SPPL3: variants seen among roughly 807,000 people sequenced by gnomAD.
SPPL3 encodes signal peptide peptidase like 3, also known as signal peptide peptidase-like 3.
Under a neutral mutation model 42.4 loss-of-function variants are expected in SPPL3, and 5 were observed. That is an observed-to-expected ratio of 0.12 (90% CI 0.06 to 0.25). SPPL3 has a LOEUF of 0.25. SPPL3 is among the 10% of genes least tolerant of loss of function. The pLI, the probability that SPPL3 is intolerant of heterozygous loss-of-function variation, is 1.00. For missense variants in SPPL3, 235 were observed against 489.0 expected, an observed-to-expected ratio of 0.48 and a Z score of 4.90; for synonymous variants, 195 against 181.8, an observed-to-expected ratio of 1.07 and a Z score of -0.58.
intron 1 of SPPL3, among the ~76,000 whole-genome samples, chr12:120,857,112 A>C (rs1001770825): frequency 2.0e-5 from 3 of 152,186 alleles, no homozygotes; most frequent in Non-Finnish European, 4.4e-5. Context: ...AAGAACCAGG[A>C]AGAGTAATGA....
At chr12:120,882,754 C>T (rs535877777) in intron 1 of SPPL3, among the ~76,000 whole-genome samples, 3 of 152,212 alleles carry the variant, frequency 2.0e-5, no homozygotes, top group African/African-American at 7.2e-5. Context: ...TCCACCTGGG[C>T]ACAGTGGCTT....
intron 2 of SPPL3, among the ~76,000 whole-genome samples, chr12:120,806,001 CTTTT>C (rs397710393): frequency 1.5e-5 from 2 of 132,956 alleles, no homozygotes; most frequent in East Asian, 2.2e-4. Flanking sequence ...TCCCTGCAGG[CTTTT>C]TTTTTTTTTT....
intron 2 of SPPL3, among the ~76,000 whole-genome samples, chr12:120,792,633 G>A (rs1041890545): frequency 1.4e-5 from 2 of 147,988 alleles, no homozygotes; most frequent in Admixed American, 1.4e-4. Context: ...CCAGGAGGCA[G>A]AGGTTGCAGT....
intron 1 of SPPL3, among the ~76,000 whole-genome samples, chr12:120,832,076 TCTG>T (rs765002634): frequency 3.3e-5 from 5 of 152,238 alleles, no homozygotes; most frequent in Non-Finnish European, 7.3e-5. Context: ...AGCAATTGTA[TCTG>T]CTTAGTTTTA....
intron 1 of SPPL3, among the ~76,000 whole-genome samples, chr12:120,860,661 A>C (rs894584329): frequency 6.6e-6 from 1 of 152,134 alleles, no homozygotes; most frequent in Non-Finnish European, 1.5e-5. Flanking sequence ...TGTATATTGT[A>C]TTTTATACAC....
chr12:120,819,666 C>T (rs61946361), intron 1 of SPPL3, among the ~76,000 whole-genome samples: 3 of 152,058 alleles, frequency 2.0e-5, no homozygotes, highest in Non-Finnish European at 4.4e-5. Flanking sequence ...CTCAAGATAA[C>T]CAATGGTACT....
rs968807692 is a variant in SPPL3 at position 120,813,619 on chromosome 12, G to A, written c.24-2733C>T. 1.1e-4 allele frequency among the ~76,000 whole-genome samples: 17 copies of A among 151,904 alleles called. No homozygotes were observed. The East Asian group carries it at 2.7e-3, about 24-fold the overall frequency. On this transcript the variant is annotated intron_variant, in intron 1 of 10. Coordinates refer to ENST00000353487, the MANE Select transcript of SPPL3 (RefSeq NM_139015.5). Reference sequence around the variant, plus strand: ...TACAGGCTAAGGATCCACTGCACCCGGCGTGATCCTTAATTATTACAGATA... The same window carrying A: ...TACAGGCTAAGGATCCACTGCACCCAGCGTGATCCTTAATTATTACAGATA...
At position 120,818,608 on chromosome 12, in the gene SPPL3, G is replaced by GC. The variant is rs544689127; in HGVS notation, c.24-7723dup. Among the ~76,000 whole-genome samples the GC allele has an allele frequency of 1.4e-4, 22 of 152,320 alleles. No individual in the cohort carries two copies. In the South Asian group the frequency reaches 4.6e-3, roughly 32 times the overall value. On this transcript the variant is annotated intron_variant, in intron 1 of 10. Coordinates refer to ENST00000353487, the MANE Select transcript of SPPL3 (RefSeq NM_139015.5). The stretch of plus-strand genomic sequence containing the variant: ...GTTCTATAACGTGTTCTATGTGTCA[G>GC]CCTTCCAGCTATACAATGAAAGCAT...
chr12:120,791,435 A>C (rs1034686391), intron 3 of SPPL3, 34 bp downstream of exon 3: 2 of 1,469,176 alleles, frequency 1.4e-6, no homozygotes, highest in Non-Finnish European at 1.9e-6. Context: ...AGAAAACTAT[A>C]TGTACAGAAG....
intron 1 of SPPL3, among the ~76,000 whole-genome samples, chr12:120,874,190 C>T (rs976261071): frequency 3.3e-5 from 5 of 151,870 alleles, no homozygotes; most frequent in African/African-American, 9.7e-5. Flanking sequence ...TGGTGGCTCA[C>T]GCCTGTAATC....
At chr12:120,823,235 G>A (rs71454667) in intron 1 of SPPL3, among the ~76,000 whole-genome samples, 2 of 145,630 alleles carry the variant, frequency 1.4e-5, no homozygotes, top group African/African-American at 5.1e-5. Context: ...GGGGGCGGCG[G>A]CGGTGGCGGG....
chr12:120,870,284 A>C (rs976243950), intron 1 of SPPL3, among the ~76,000 whole-genome samples: 1 of 152,046 alleles, frequency 6.6e-6, no homozygotes, highest in African/African-American at 2.4e-5. Flanking sequence ...CATCTCTACT[A>C]AAAATACAAA....
At chr12:120,877,694 TC>T (rs1302704758) in intron 1 of SPPL3, among the ~76,000 whole-genome samples, 1 of 150,422 alleles carries the variant, frequency 6.6e-6, no homozygotes, top group Non-Finnish European at 1.5e-5. Flanking sequence ...GGCAGGAGAA[TC>T]GCTTGAACCT....
chr12:120,849,469 A>T (rs944065623), intron 1 of SPPL3, among the ~76,000 whole-genome samples: 8 of 152,258 alleles, frequency 5.3e-5, no homozygotes, highest in Non-Finnish European at 1.2e-4. Context: ...TATCTATACT[A>T]GCAATGGCCT....
intron 3 of SPPL3, among the ~76,000 whole-genome samples, chr12:120,790,988 G>A (rs708785): frequency 0.71 from 107,876 of 152,016 alleles, 39,593 homozygotes; most frequent in African/African-American, 0.89. Flanking sequence ...ACACCTGGCT[G>A]ATTTTGTATT....
At chr12:120,788,684 T>C (rs1869803400) in intron 3 of SPPL3, among the ~76,000 whole-genome samples, 1 of 152,240 alleles carries the variant, frequency 6.6e-6, no homozygotes, top group Non-Finnish European at 1.5e-5. Flanking sequence ...ACAAATTCCT[T>C]GTTTCTTATT....
chr12:120,845,212 A>C, intron 1 of SPPL3: 1 of 444,192 alleles, frequency 2.3e-6, no homozygotes, highest in South Asian at 1.8e-5. Flanking sequence ...CATGTGGCAA[A>C]GGGAGTGCAG....
At chr12:120,778,267 C>A (rs891937108) in intron 6 of SPPL3, among the ~76,000 whole-genome samples, 3 of 151,810 alleles carry the variant, frequency 2.0e-5, no homozygotes, top group African/African-American at 7.3e-5. Flanking sequence ...CAGGCGCACA[C>A]CACCACACCT....
intron 6 of SPPL3, among the ~76,000 whole-genome samples, chr12:120,778,103 G>GA (rs1231549520): frequency 8.2e-6 from 1 of 121,372 alleles, no homozygotes; most frequent in South Asian, 2.8e-4. Context: ...CAAAATGACT[G>GA]AAAAGCAATT....
Sources: allele counts gnomAD v4.1 joint callset (sites outside exome capture counted in the v4.1 genomes callset), GRCh38; gene constraint gnomAD v4.1.1; transcripts MANE v1.5; gene names NCBI Gene and HGNC (gene_info 2026-07-23, HGNC 2026-07-21).